The following C12orf56 variants were observed in gnomAD, a reference collection of about 807,000 sequenced individuals.
C12orf56 encodes chromosome 12 open reading frame 56, also known as uncharacterized protein C12orf56.
Under a neutral mutation model 69.9 loss-of-function variants are expected in C12orf56, and 71 were observed. That is an observed-to-expected ratio of 1.02 (90% CI 0.84 to 1.24). The LOEUF is 1.24. Ranked by LOEUF, C12orf56 falls within the 50% of genes most tolerant of loss-of-function variation. C12orf56 has a pLI of 0.00. For synonymous variants in C12orf56, 276 were observed against 274.1 expected (o/e 1.01, Z -0.07); for missense variants, 732 against 738.5 (o/e 0.99, Z 0.10).
At chr12:64,321,053 A>C (rs982592569) in intron 3 of C12orf56, among the ~76,000 whole-genome samples, 2 of 152,150 alleles carry the variant, frequency 1.3e-5, no homozygotes, top group African/African-American at 4.8e-5. Flanking sequence ...AATAAAACTA[A>C]ATCTATGCTT....
intron 1 of C12orf56, among the ~76,000 whole-genome samples, chr12:64,376,824 G>A (rs996137657): frequency 1.3e-5 from 2 of 152,092 alleles, no homozygotes; most frequent in Admixed American, 6.6e-5. Flanking sequence ...GTATTCCATG[G>A]TGTATATGTA....
chr12:64,360,398 C>G, intron 1 of C12orf56, among the ~76,000 whole-genome samples: 1 of 152,208 alleles, frequency 6.6e-6, no homozygotes, highest in African/African-American at 2.4e-5. Flanking sequence ...GCACCCTAGC[C>G]TGGGCGACAG....
intron 1 of C12orf56, among the ~76,000 whole-genome samples, chr12:64,363,756 G>A (rs945165335): frequency 6.6e-6 from 1 of 152,172 alleles, no homozygotes; most frequent in African/African-American, 2.4e-5. Context: ...GACAGATCAT[G>A]ATGCGGTCGT....
chr12:64,387,615 C>G (rs1203205108), intron 1 of C12orf56, among the ~76,000 whole-genome samples: 1 of 152,070 alleles, frequency 6.6e-6, no homozygotes, highest in Non-Finnish European at 1.5e-5. Flanking sequence ...TTAAGCCCAG[C>G]AGCCTGGGCA....
chr12:64,274,246 G>C (rs555059180), intron 11 of C12orf56, among the ~76,000 whole-genome samples: 2 of 152,192 alleles, frequency 1.3e-5, no homozygotes, highest in African/African-American at 4.8e-5. Flanking sequence ...TGCAGGGAGG[G>C]GGGTGGTGGT....
At chr12:64,333,676 A>C (rs7487873) in intron 2 of C12orf56, among the ~76,000 whole-genome samples, 81,932 of 151,802 alleles carry the variant, frequency 0.54, 22,651 homozygotes, top group Middle Eastern at 0.73. Context: ...TAATTTTTGT[A>C]TTTTTAGTAG....
chr12:64,372,824 T>C (rs1390210707), intron 1 of C12orf56, among the ~76,000 whole-genome samples: 1 of 152,138 alleles, frequency 6.6e-6, no homozygotes, highest in Non-Finnish European at 1.5e-5. Context: ...CAGGCTCTAC[T>C]AAGTCCCTAT....
At chr12:64,324,963 T>C (rs1402089738) in intron 3 of C12orf56, among the ~76,000 whole-genome samples, 1 of 152,144 alleles carries the variant, frequency 6.6e-6, no homozygotes, top group Non-Finnish European at 1.5e-5. Flanking sequence ...CCTTGGTAGC[T>C]AGCTAACAGA....
At chr12:64,357,952 T>C (rs1206223828) in intron 1 of C12orf56, among the ~76,000 whole-genome samples, 1 of 152,094 alleles carries the variant, frequency 6.6e-6, no homozygotes, top group African/African-American at 2.4e-5. Context: ...AAGCCACTTC[T>C]ACATACCCTA....
At chr12:64,305,633 T>G (rs1355780540) in intron 5 of C12orf56, among the ~76,000 whole-genome samples, 1 of 152,204 alleles carries the variant, frequency 6.6e-6, no homozygotes, top group East Asian at 1.9e-4. Flanking sequence ...TCCACCCACC[T>G]CTGCCTCCCA....
intron 6 of C12orf56, among the ~76,000 whole-genome samples, chr12:64,298,200 T>C (rs1337277681): frequency 6.6e-6 from 1 of 152,216 alleles, no homozygotes; most frequent in Non-Finnish European, 1.5e-5. Flanking sequence ...AAGTGTCTGT[T>C]CATATCCTTT....
rs576502106 is a variant in C12orf56, at chr12:64,337,471, T to A, written c.416-6439A>T. Among the ~76,000 whole-genome samples the A allele has an allele frequency of 1.0e-3, 159 of 152,244 alleles. 1 individual carries two copies. Among genetic ancestry groups the A allele is most frequent in the African/African-American group, 3.8e-3 (156 of 41,538 alleles). On this transcript the variant is annotated intron_variant, in intron 2 of 12. Coordinates refer to ENST00000543942, the MANE Select transcript of C12orf56 (RefSeq NM_001170633.2). The stretch of plus-strand genomic sequence containing the variant: ...GAACCAGAACATGCCACCCAAAATA[T>A]ACTACTTTGGCATATTGGTTATTTT...
At chr12:64,321,122 A>C (rs2038767032) in intron 3 of C12orf56, among the ~76,000 whole-genome samples, 1 of 152,330 alleles carries the variant, frequency 6.6e-6, no homozygotes, top group South Asian at 2.1e-4. Context: ...TTAAAATAGA[A>C]ACAATAATAG....
At chr12:64,361,296 A>C (rs535455085) in intron 1 of C12orf56, among the ~76,000 whole-genome samples, 56 of 152,318 alleles carry the variant, frequency 3.7e-4, no homozygotes, top group East Asian at 1.5e-3. Context: ...TGGTAATGTT[A>C]GAGGTAATTG....
At chr12:64,313,298 G>GAAAGAAAGAAAGAAAGAAAGAAAGA in intron 4 of C12orf56, among the ~76,000 whole-genome samples, 1 of 145,850 alleles carries the variant, frequency 6.9e-6, no homozygotes, top group Non-Finnish European at 1.5e-5. Flanking sequence ...AAGAAAGAAA[G>GAAAGAAAGAAAGAAAGAAAGAAAGA]AAATTATTTA....
intron 1 of C12orf56, among the ~76,000 whole-genome samples, chr12:64,385,649 G>A (rs1467690826): frequency 6.6e-6 from 1 of 151,976 alleles, no homozygotes; most frequent in African/African-American, 2.4e-5. Flanking sequence ...CTCAGTACAA[G>A]AGGACAGCTT....
intron 8 of C12orf56, among the ~76,000 whole-genome samples, chr12:64,282,470 C>G (rs1056003331): frequency 6.6e-6 from 1 of 152,158 alleles, no homozygotes; most frequent in Non-Finnish European, 1.5e-5. Context: ...TTTGCCCACT[C>G]CTGCTACACA....
chr12:64,265,493 C>T lies in C12orf56; in HGVS notation c.*1690G>A, dbSNP rs139160083. ...AGAGTGTTAAATGTCTTGTCACAGG[C>T]AGAGAATGTAAGAGCTGGAAGAGAA... On this transcript the variant is annotated 3_prime_UTR_variant, in exon 13 of 13. Transcript: ENST00000543942. The T allele has an allele frequency of 3.8e-4, 58 of 152,344 alleles. No individual in the cohort carries two copies. The highest frequency in any genetic ancestry group is 1.4e-3 in the African/African-American group (57 of 41,562). 9.4% of individuals were successfully genotyped at this position (152,344 alleles called of 1,614,324 possible).
chr12:64,390,452 T>C lies in C12orf56; in HGVS notation c.114A>G (p.Pro38=). ...TCTCAGAGTTGGACACCACGATGCA[T>C]GGCTCGTAGGCGCGGACCGCGTCGT... The part of the protein sequence containing the change: ...EVYDAVRAYE[P]CIVVSNSENH... The change falls in exon 1 of 13, where the codon CCA becomes CCG. Residue 38 remains proline, a synonymous_variant. Transcript: ENST00000543942. The C allele has an allele frequency of 3.7e-6, 6 of 1,610,444 alleles. No homozygotes were observed. Among genetic ancestry groups the C allele is most frequent in the Non-Finnish European group, 5.1e-6 (6 of 1,179,698 alleles).
Sources: allele counts gnomAD v4.1 joint callset (sites outside exome capture counted in the v4.1 genomes callset), GRCh38; gene constraint gnomAD v4.1.1; transcripts MANE v1.5; gene names NCBI Gene and HGNC (gene_info 2026-07-23, HGNC 2026-07-21).